Variants in TRIP13 observed in about 807,000 individuals in gnomAD.
TRIP13 encodes the protein thyroid hormone receptor interactor 13.
A neutral mutation model predicts 54.4 loss-of-function variants in TRIP13; 25 were observed. The observed-to-expected ratio is 0.46, with a 90% CI of 0.33 to 0.64. The LOEUF (loss-of-function observed/expected upper bound fraction) is 0.64, where lower values mean the gene tolerates loss of function less well. TRIP13 is among the 30% of genes least tolerant of loss of function. TRIP13 has a pLI of 0.02. For missense variants in TRIP13, 373 were observed against 534.2 expected (o/e 0.70, Z 2.97); for synonymous variants, 207 against 207.8 (o/e 1.00, Z 0.03).
At chr5:894,654 G>A in intron 1 of TRIP13, 133 bp from the exon 2 acceptor site, 1 of 1,036,852 alleles carries the variant, frequency 9.6e-7, no homozygotes, top group Non-Finnish European at 1.3e-6. Context: ...TTGGTCCCAG[G>A]CAGGCCAACT....
In TRIP13 at chr5:917,123, G is replaced by A. The variant is rs1044799271; in HGVS notation, c.*20G>A. The A allele has an allele frequency of 7.0e-5, 113 of 1,612,564 alleles. No homozygotes were observed. Among genetic ancestry groups the A allele is most frequent in the Non-Finnish European group, 9.1e-5 (107 of 1,179,246 alleles). On this transcript the variant is annotated 3_prime_UTR_variant, in exon 13 of 13. Coordinates refer to ENST00000166345, the MANE Select transcript of TRIP13 (RefSeq NM_004237.4). ...ATCTGATCCTGGGCTTCCCCATCTGGTGCTTTTCCCATGGAGAACACACAA... is the reference window on the plus strand; with the variant it reads ...ATCTGATCCTGGGCTTCCCCATCTGATGCTTTTCCCATGGAGAACACACAA...
rs936241963 is a variant in TRIP13, at chr5:913,015, C to T, written c.1020+1019C>T. On this transcript the variant is annotated intron_variant, in intron 10 of 12. Coordinates refer to ENST00000166345, the MANE Select transcript of TRIP13 (RefSeq NM_004237.4). The surrounding 1 kb of genome is among the most constrained non-coding windows in gnomAD (Gnocchi z 4.5). ...TGGGGACGGGAGAACTGGTCTCAGCCATGGACCCACTGGGCCTGCCCGGGT... is the reference window on the plus strand; with the variant it reads ...TGGGGACGGGAGAACTGGTCTCAGCTATGGACCCACTGGGCCTGCCCGGGT... Among the ~76,000 whole-genome samples, 21 of 152,082 alleles carry T rather than the reference C, an allele frequency of 1.4e-4. No homozygotes were observed. The highest frequency in any genetic ancestry group is 4.6e-4 in the African/African-American group (19 of 41,402).
intron 4 of TRIP13, among the ~76,000 whole-genome samples, chr5:900,999 C>T (rs1002525331): frequency 4.6e-5 from 7 of 152,110 alleles, no homozygotes; most frequent in Middle Eastern, 3.2e-3. Context: ...TGTTATTTTG[C>T]GAATAATAAC....
Position 908,745 on chromosome 5 carries a change from T to C in TRIP13, c.866+284T>C. ...AGGCCGAGGCAGGCGGATCACAAGG[T>C]CAGTAGATTGAGACCATCCTGGCTG... On this transcript the variant is annotated intron_variant, in intron 9 of 12. Transcript: ENST00000166345. The surrounding 1 kb of genome is among the most constrained non-coding windows in gnomAD (Gnocchi z 5.2). 1.1e-6 allele frequency: 1 copy of C among 951,432 alleles called. No homozygotes were observed. The highest frequency in any genetic ancestry group is 1.4e-6 in the Non-Finnish European group (1 of 728,116). The allele number at this position is 951,432 out of a possible 1,614,324, so 58.9% of individuals were successfully genotyped here.
chr5:910,624 G>T (rs902175789), intron 9 of TRIP13, among the ~76,000 whole-genome samples: 1 of 152,168 alleles, frequency 6.6e-6, no homozygotes, highest in South Asian at 2.1e-4. Context: ...GGCTCAGGAA[G>T]AAACAAGGAG....
chr5:906,383 A>G (rs1754115878), intron 6 of TRIP13, among the ~76,000 whole-genome samples: 1 of 152,204 alleles, frequency 6.6e-6, no homozygotes, highest in Non-Finnish European at 1.5e-5. Flanking sequence ...TTTTATAATT[A>G]ATTTTGTTTA....
chr5:893,099 G>A lies in TRIP13; in HGVS notation c.92+9G>A, dbSNP rs778876567. On this transcript the variant is annotated intron_variant, in intron 1 of 12. Coordinates refer to ENST00000166345, the MANE Select transcript of TRIP13 (RefSeq NM_004237.4). ...CATCAGCGCGGCAGCAGGTGAGCCG[G>A]ACCTGTCCGACACATCCTCTGGGCA... 40 of 1,581,774 alleles carry A rather than the reference G, an allele frequency of 2.5e-5. No individual in the cohort carries two copies. In the East Asian group the frequency reaches 6.6e-4, roughly 26 times the overall value.
At chr5:916,027 C>G in intron 12 of TRIP13, 54 bp downstream of exon 12, 1 of 1,561,910 alleles carries the variant, frequency 6.4e-7, no homozygotes, top group South Asian at 1.1e-5. Context: ...GTCTCAGCCT[C>G]GCCGGAGATT....
chr5:918,440 A>G (rs1163178249), downstream of TRIP13, among the ~76,000 whole-genome samples: 1 of 152,156 alleles, frequency 6.6e-6, no homozygotes, highest in African/African-American at 2.4e-5. This position sits in a 1 kb window ranked among gnomAD's most constrained non-coding sequence, Gnocchi z 4.3. Context: ...TCCACTCTCC[A>G]GGAGTCAGCT....
chr5:893,133 C>G, intron 1 of TRIP13, 43 bp downstream of exon 1: 1 of 1,517,058 alleles, frequency 6.6e-7, no homozygotes, highest in South Asian at 1.2e-5. Flanking sequence ...CACCCACCCG[C>G]CCCGACCCCA....
chr5:916,220 G>A (rs748612860), intron 12 of TRIP13, among the ~76,000 whole-genome samples: 50 of 152,344 alleles, frequency 3.3e-4, no homozygotes, highest in Non-Finnish European at 5.9e-4. Context: ...ATGCACGTCT[G>A]CCTCTGTGGT....
At chr5:904,102 T>G (rs762773537) in intron 5 of TRIP13, 46 bp from the exon 6 acceptor site, 9 of 1,557,430 alleles carry the variant, frequency 5.8e-6, no homozygotes, top group Non-Finnish European at 7.8e-6. Context: ...AAGAAATTTG[T>G]TGTAGCACTG....
intron 1 of TRIP13, chr5:893,683 G>A (rs1283878488): frequency 6.3e-6 from 1 of 159,748 alleles, no homozygotes; most frequent in Non-Finnish European, 1.4e-5. Flanking sequence ...GACCTTCACA[G>A]ACCCTCCTTA....
chr5:904,262 G>A, intron 6 of TRIP13, 42 bp downstream of exon 6: 1 of 1,506,226 alleles, frequency 6.6e-7, no homozygotes. Flanking sequence ...ATGGGAATGG[G>A]ATTTATAACG....
In TRIP13 at chr5:917,751, C is replaced by T. The variant is rs970278041; in HGVS notation, c.*648C>T. 6.6e-6 allele frequency: 1 copy of T among 152,222 alleles called. No individual in the cohort carries two copies. The highest frequency in any genetic ancestry group is 2.4e-5 in the African/African-American group (1 of 41,448). The allele number at this position is 152,222 out of a possible 1,614,324, so 9.4% of individuals were successfully genotyped here. On this transcript the variant is annotated 3_prime_UTR_variant, in exon 13 of 13. Transcript: ENST00000166345. ...GCAGACTCTGAGTGTTCCAGGGAAA[C>T]ACATGCTGGACATCCCTTGTAACCC... is the stretch of plus-strand genomic sequence containing the variant.
rs1754276704 is a variant in TRIP13, at chr5:913,198, T to G, written c.1020+1202T>G. Among the ~76,000 whole-genome samples the G allele has an allele frequency of 6.6e-6, 1 of 152,162 alleles. No homozygotes were observed. Among genetic ancestry groups the G allele is most frequent in the South Asian group, 2.1e-4 (1 of 4,836 alleles). On this transcript the variant is annotated intron_variant, in intron 10 of 12. Coordinates refer to ENST00000166345, the MANE Select transcript of TRIP13 (RefSeq NM_004237.4). The surrounding 1 kb of genome is among the most constrained non-coding windows in gnomAD (Gnocchi z 4.5). Reference sequence around the variant, plus strand: ...TAGCAGATCCTGCGAGGAAGTCGTGTGTGTTGGAGGTCCTCACGCACCTTC... The same window carrying G: ...TAGCAGATCCTGCGAGGAAGTCGTGGGTGTTGGAGGTCCTCACGCACCTTC...
chr5:895,003 T>A, intron 2 of TRIP13, 51 bp downstream of exon 2: 1 of 1,534,758 alleles, frequency 6.5e-7, no homozygotes, highest in Non-Finnish European at 8.8e-7. Flanking sequence ...ATACAAAAGG[T>A]TGTATCATGA....
rs574157450 is a variant in TRIP13 at position 913,242 on chromosome 5, C to T, written c.1021-1223C>T. Among the ~76,000 whole-genome samples, 4 of 152,298 alleles carry T rather than the reference C, an allele frequency of 2.6e-5. No homozygotes were observed. Among genetic ancestry groups the T allele is most frequent in the African/African-American group, 4.8e-5 (2 of 41,550 alleles). On this transcript the variant is annotated intron_variant, in intron 10 of 12. Transcript: ENST00000166345. The surrounding 1 kb of genome is among the most constrained non-coding windows in gnomAD (Gnocchi z 4.5). ...CACCTTCAGTGTGGGTTCCAGCCCT[C>T]GCAGTGTGACGTTTATACACTTGTA...
At chr5:903,515 A>T (rs1194050622) in intron 5 of TRIP13, among the ~76,000 whole-genome samples, 1 of 152,116 alleles carries the variant, frequency 6.6e-6, no homozygotes, top group South Asian at 2.1e-4. Flanking sequence ...TATTTATTTT[A>T]TTATACTGGA....
Sources: gnomAD v4.1 joint callset for allele counts (sites outside exome capture counted in the v4.1 genomes callset) on GRCh38, gnomAD v4.1.1 for gene constraint, Gnocchi (gnomAD v3.1) non-coding constraint, MANE v1.5 for transcripts, NCBI Gene and HGNC (gene_info 2026-07-23, HGNC 2026-07-21) for gene names.